The following EXOC4 variants were observed in gnomAD, a reference collection of about 807,000 sequenced individuals.
EXOC4 encodes SEC8-like 1.
EXOC4 carries 71 observed loss-of-function variants against 107.2 expected under a neutral mutation model. That is an observed-to-expected ratio of 0.66 (90% CI 0.55 to 0.81). EXOC4 has a LOEUF of 0.81. Among genes scored for constraint, EXOC4 ranks in the 30% least tolerant of loss-of-function variants. The probability of loss-of-function intolerance (pLI) is 0.00; values close to 1 mark genes in which losing one functional copy is unlikely to be tolerated. For synonymous variants in EXOC4, 456 were observed against 441.2 expected (o/e 1.03, Z -0.42); for missense variants, 1,108 against 1,189.6 (o/e 0.93, Z 1.01).
At chr7:133,737,044 C>A (rs939787822) in intron 10 of EXOC4, among the ~76,000 whole-genome samples, 1 of 152,144 alleles carries the variant, frequency 6.6e-6, no homozygotes. Flanking sequence ...TATCTAAAAC[C>A]TATAGATTCC....
intron 10 of EXOC4, among the ~76,000 whole-genome samples, chr7:133,681,834 T>C (rs1163594142): frequency 6.6e-6 from 1 of 152,060 alleles, no homozygotes; most frequent in Admixed American, 6.6e-5. Context: ...GTTGTAAGGA[T>C]TAAATAAATT....
intron 7 of EXOC4, among the ~76,000 whole-genome samples, chr7:133,414,317 C>G (rs1318860890): frequency 1.3e-5 from 2 of 152,132 alleles, no homozygotes; most frequent in African/African-American, 2.4e-5. Context: ...CTTGATAACA[C>G]CAAGTGTTGG....
intron 14 of EXOC4, among the ~76,000 whole-genome samples, chr7:133,974,603 G>A (rs987223416): frequency 6.6e-6 from 1 of 152,164 alleles, no homozygotes; most frequent in African/African-American, 2.4e-5. Flanking sequence ...GGACTCACTT[G>A]AATGGCATTT....
chr7:133,624,233 T>G (rs1034682472), intron 9 of EXOC4, among the ~76,000 whole-genome samples: 2 of 152,184 alleles, frequency 1.3e-5, no homozygotes, highest in African/African-American at 4.8e-5. Context: ...TATGCTATTT[T>G]CATTGGAGCA....
intron 9 of EXOC4, among the ~76,000 whole-genome samples, chr7:133,516,757 C>CTTTTTTTTTTTTTTTTTTTT (rs1563093913): frequency 6.1e-3 from 32 of 5,220 alleles, no homozygotes; most frequent in Non-Finnish European, 9.5e-3. Flanking sequence ...ACTAGCTGCT[C>CTTTTTTTTTTTTTTTTTTTT]ATTTTTTTTT....
At chr7:133,381,652 G>GA (rs1459330253) in intron 7 of EXOC4, among the ~76,000 whole-genome samples, 1 of 152,170 alleles carries the variant, frequency 6.6e-6, no homozygotes, top group East Asian at 1.9e-4. Context: ...AAACCTGTTA[G>GA]GGTTATCTAA....
At chr7:133,639,960 A>G (rs113901785) in intron 10 of EXOC4, among the ~76,000 whole-genome samples, 2 of 152,282 alleles carry the variant, frequency 1.3e-5, no homozygotes, top group African/African-American at 4.8e-5. Flanking sequence ...GAAGTATGTT[A>G]CTTAATTGGA....
chr7:134,039,137 T>C (rs1485452263), intron 17 of EXOC4, among the ~76,000 whole-genome samples: 3 of 152,156 alleles, frequency 2.0e-5, no homozygotes, highest in African/African-American at 7.2e-5. Flanking sequence ...GAAAGATTGC[T>C]ATATGAGGCC....
chr7:133,799,239 T>C (rs555904557), intron 10 of EXOC4, among the ~76,000 whole-genome samples: 1 of 152,332 alleles, frequency 6.6e-6, no homozygotes, highest in African/African-American at 2.4e-5. Context: ...TGAATAATTA[T>C]GTCACATAAA....
At chr7:133,948,643 A>C (rs768485250) in intron 14 of EXOC4, among the ~76,000 whole-genome samples, 1 of 152,186 alleles carries the variant, frequency 6.6e-6, no homozygotes. Flanking sequence ...AATAGACTCA[A>C]CATTCAGATT....
At chr7:133,824,234 G>A (rs966429536) in intron 11 of EXOC4, among the ~76,000 whole-genome samples, 1 of 151,794 alleles carries the variant, frequency 6.6e-6, no homozygotes, top group Non-Finnish European at 1.5e-5. Flanking sequence ...TCACCTGTGA[G>A]CAGGTCTCTG....
intron 7 of EXOC4, among the ~76,000 whole-genome samples, chr7:133,401,310 C>G (rs1761920179): frequency 6.6e-6 from 1 of 151,930 alleles, no homozygotes; most frequent in Admixed American, 6.6e-5. Context: ...TTTAACCTCT[C>G]AGTGATTTTA....
chr7:133,950,987 A>ACC (rs1393460686), intron 14 of EXOC4, among the ~76,000 whole-genome samples: 1 of 151,994 alleles, frequency 6.6e-6, no homozygotes, highest in Admixed American at 6.6e-5. Flanking sequence ...CTAGAGAAAC[A>ACC]CCCCCACAAA....
intron 10 of EXOC4, among the ~76,000 whole-genome samples, chr7:133,798,603 T>G (rs1250146058): frequency 1.3e-5 from 2 of 152,110 alleles, no homozygotes; most frequent in African/African-American, 4.8e-5. Context: ...ATTTCCTCAT[T>G]TTACAGATTA....
At chr7:133,457,575 C>G (rs182241323) in intron 7 of EXOC4, among the ~76,000 whole-genome samples, 1 of 152,254 alleles carries the variant, frequency 6.6e-6, no homozygotes, top group Admixed American at 6.5e-5. Context: ...TGGATTGAAT[C>G]AGATTTAAAA....
At chr7:133,872,425 T>C (rs1465979982) in intron 11 of EXOC4, among the ~76,000 whole-genome samples, 2 of 152,212 alleles carry the variant, frequency 1.3e-5, no homozygotes, top group Admixed American at 6.5e-5. Flanking sequence ...TGTCCATATC[T>C]ATCAAAAACG....
At chr7:133,907,842 A>AAGAGGAGG (rs1395385476) in intron 12 of EXOC4, among the ~76,000 whole-genome samples, 2 of 89,686 alleles carry the variant, frequency 2.2e-5, no homozygotes, top group Admixed American at 9.5e-5. Flanking sequence ...AGAGGAGGAG[A>AAGAGGAGG]AGGAGAGAGA....
At chr7:133,987,701 C>T (rs1315906268) in intron 14 of EXOC4, among the ~76,000 whole-genome samples, 3 of 152,154 alleles carry the variant, frequency 2.0e-5, no homozygotes, top group African/African-American at 7.2e-5. Context: ...AGTTTGAATT[C>T]ACAGTGTTAA....
chr7:133,938,927 C>G (rs544364955), intron 14 of EXOC4, among the ~76,000 whole-genome samples: 15 of 152,294 alleles, frequency 9.8e-5, no homozygotes, highest in African/African-American at 3.6e-4. Flanking sequence ...TTCAGCCTCC[C>G]GAGTAGCTGG....
Sources: allele counts gnomAD v4.1 joint callset (sites outside exome capture counted in the v4.1 genomes callset), GRCh38; gene constraint gnomAD v4.1.1; transcripts MANE v1.5; gene names NCBI Gene and HGNC (gene_info 2026-07-23, HGNC 2026-07-21).